METAP2: variants seen among roughly 807,000 people sequenced by gnomAD.
METAP2 encodes the protein methionine aminopeptidase 2.
METAP2 carries 25 observed loss-of-function variants against 59.4 expected under a neutral mutation model. That is an observed-to-expected ratio of 0.42 (90% confidence interval 0.31 to 0.59). The LOEUF is 0.59. METAP2 is among the 20% of genes least tolerant of loss of function. METAP2 has a pLI of 0.16. For missense variants in METAP2, 366 were observed against 581.2 expected (o/e 0.63, Z 3.81); for synonymous variants, 214 against 194.1 (o/e 1.10, Z -0.85).
At chr12:95,513,130 C>T (rs1030498938) in intron 10 of METAP2, among the ~76,000 whole-genome samples, 3 of 149,352 alleles carry the variant, frequency 2.0e-5, no homozygotes, top group African/African-American at 7.5e-5. Context: ...CACACACACA[C>T]ACAAGTGCTC....
chr12:95,493,932 T>G (rs1449668183), intron 4 of METAP2, 124 bp from the exon 5 acceptor site: 7 of 753,204 alleles, frequency 9.3e-6, no homozygotes, highest in Non-Finnish European at 1.4e-5. Context: ...TCAGAAACTT[T>G]ATTGACATAA....
intron 10 of METAP2, 22 bp from the exon 11 acceptor site, chr12:95,513,630 A>G: frequency 3.1e-6 from 5 of 1,605,892 alleles, no homozygotes; most frequent in Non-Finnish European, 2.6e-6. Flanking sequence ...CCAACAGTTA[A>G]TTTTGGATTT....
chr12:95,506,195 G>A (rs1377852879), intron 8 of METAP2, among the ~76,000 whole-genome samples: 3 of 151,794 alleles, frequency 2.0e-5, no homozygotes, highest in Admixed American at 6.6e-5. Flanking sequence ...GGTGGAGTGC[G>A]CTCAGCTTCC....
At chr12:95,489,001 T>C (rs538141739) in intron 4 of METAP2, among the ~76,000 whole-genome samples, 115 of 152,218 alleles carry the variant, frequency 7.6e-4, no homozygotes, top group Non-Finnish European at 1.1e-3. Flanking sequence ...TGTCATGGGA[T>C]GTTTTTGATA....
At chr12:95,505,336 AC>A (rs141122297) in intron 8 of METAP2, among the ~76,000 whole-genome samples, 11,673 of 152,066 alleles carry the variant, frequency 0.077, 586 homozygotes, top group African/African-American at 0.13. Flanking sequence ...CCAGACTTAA[AC>A]TTTTTTTTGA....
intron 4 of METAP2, among the ~76,000 whole-genome samples, chr12:95,487,982 G>A (rs1470084024): frequency 6.6e-6 from 1 of 151,408 alleles, no homozygotes; most frequent in Non-Finnish European, 1.5e-5. Flanking sequence ...AGGTAAATAG[G>A]TAGCTGGATA....
intron 7 of METAP2, among the ~76,000 whole-genome samples, chr12:95,499,957 A>G (rs11832596): frequency 6.6e-6 from 1 of 152,004 alleles, no homozygotes; most frequent in Non-Finnish European, 1.5e-5. Flanking sequence ...TGGGGGAACC[A>G]CCCCCATGAT....
intron 7 of METAP2, among the ~76,000 whole-genome samples, chr12:95,500,532 A>G (rs1039687239): frequency 6.6e-6 from 1 of 152,098 alleles, no homozygotes; most frequent in Non-Finnish European, 1.5e-5. Flanking sequence ...TTTTTCATAG[A>G]TGGCTTTTAT....
At position 95,514,779 on chromosome 12, in the gene METAP2, A is replaced by G. The variant is rs1241497283; in HGVS notation, c.*875A>G. On this transcript the variant is annotated 3_prime_UTR_variant, in exon 11 of 11. Transcript: ENST00000323666. ...CACAAAAGCAAAGAAGAAAAAAAAAAACTTCCCATGTTTGGATCTTGTTCT... is the reference window on the plus strand; with the variant it reads ...CACAAAAGCAAAGAAGAAAAAAAAAGACTTCCCATGTTTGGATCTTGTTCT... 2 of 152,184 alleles carry G rather than the reference A, an allele frequency of 1.3e-5. No homozygotes were observed. Among genetic ancestry groups the G allele is most frequent in the Non-Finnish European group, 1.5e-5 (1 of 68,028 alleles). 9.4% of individuals were successfully genotyped at this position (152,184 alleles called of 1,614,324 possible).
At chr12:95,479,088 G>T (rs917162669) in intron 2 of METAP2, among the ~76,000 whole-genome samples, 19 of 152,100 alleles carry the variant, frequency 1.2e-4, no homozygotes, top group Admixed American at 1.0e-3. Flanking sequence ...TAACAAAAAA[G>T]GAATGTTATG....
chr12:95,511,465 C>T (rs776194795), intron 8 of METAP2, among the ~76,000 whole-genome samples: 10 of 132,662 alleles, frequency 7.5e-5, no homozygotes, highest in Non-Finnish European at 1.5e-4. Context: ...GATCTTGGCT[C>T]ACGGCAACCT....
rs1421024350 is a variant in METAP2, at chr12:95,484,295, A to G, written c.325+1015A>G. On this transcript the variant is annotated intron_variant, in intron 3 of 10. Coordinates refer to ENST00000323666, the MANE Select transcript of METAP2 (RefSeq NM_006838.4). ...ATCATTACTAGATCCTTCCACTCTA[A>G]GAAGAGGATGTCAGCTATTCTCGTA... 2.0e-5 allele frequency among the ~76,000 whole-genome samples: 3 copies of G among 151,990 alleles called. No individual in the cohort carries two copies. The East Asian group carries it at 5.8e-4, about 29-fold the overall frequency.
intron 7 of METAP2, among the ~76,000 whole-genome samples, chr12:95,503,731 C>T (rs1309686944): frequency 6.6e-6 from 1 of 152,186 alleles, no homozygotes; most frequent in East Asian, 1.9e-4. Flanking sequence ...AGCAGTGCTG[C>T]TACTGTGCTG....
intron 4 of METAP2, among the ~76,000 whole-genome samples, chr12:95,486,924 G>A (rs544892878): frequency 5.0e-4 from 76 of 152,330 alleles, no homozygotes; most frequent in Middle Eastern, 3.4e-3. Flanking sequence ...AGCAGAAGTG[G>A]CATTATGAAG....
chr12:95,476,104 C>A lies in METAP2; in HGVS notation c.185C>A (p.Ala62Asp). 1 of 1,611,284 alleles carries A rather than the reference C, an allele frequency of 6.2e-7. No individual in the cohort carries two copies. Among genetic ancestry groups the A allele is most frequent in the Non-Finnish European group, 8.5e-7 (1 of 1,178,802 alleles). ...CAGGAACCTGATAAAGAATCAGGAG[C>A]CTCAGTGGATGAAGTAGCAAGACAG... is the stretch of plus-strand genomic sequence containing the variant. ...GEQEPDKESG[A>D]SVDEVARQLE... Residue 62 changes from alanine (A) to aspartate (D), a missense_variant, in exon 2 of 11, where the codon GCC (alanine) becomes GAC (aspartate). Around this residue, in one of 4 missense-constraint regions of METAP2, gnomAD observed 177 missense variants for 180.3 expected, o/e 0.98. Transcript: ENST00000323666.
At chr12:95,496,225 A>G (rs568585046) in intron 7 of METAP2, 127 bp downstream of exon 7, 74 of 559,636 alleles carry the variant, frequency 1.3e-4, no homozygotes, top group Non-Finnish European at 9.1e-5. Context: ...GAGGAATAAA[A>G]TTGATCCATT....
intron 2 of METAP2, among the ~76,000 whole-genome samples, chr12:95,479,844 A>G (rs537793452): frequency 7.3e-4 from 111 of 152,212 alleles, no homozygotes; most frequent in African/African-American, 2.6e-3. Context: ...CCTGGCCTCA[A>G]GTGATCCGCC....
At chr12:95,476,514 A>G (rs73382139) in intron 2 of METAP2, among the ~76,000 whole-genome samples, 1,408 of 135,546 alleles carry the variant, frequency 0.01, 17 homozygotes, top group African/African-American at 0.019. Context: ...TGTCTCAAAA[A>G]AAAGAAAGAA....
At chr12:95,504,002 A>T in intron 7 of METAP2, 63 bp from the exon 8 acceptor site, 2 of 1,227,012 alleles carry the variant, frequency 1.6e-6, no homozygotes, top group South Asian at 1.3e-5. Context: ...AAATGTTACA[A>T]AATTAAGTTG....
Sources: allele counts gnomAD v4.1 joint callset (sites outside exome capture counted in the v4.1 genomes callset), GRCh38; gene constraint gnomAD v4.1.1; regional missense constraint gnomAD v4.1.1; transcripts MANE v1.5; gene names NCBI Gene and HGNC (gene_info 2026-07-23, HGNC 2026-07-21).